Variants in CDHR3 observed in about 807,000 individuals in gnomAD.
CDHR3 encodes cadherin-related family member 3.
In CDHR3, 79 loss-of-function variants were observed where a neutral mutation model predicts 86.6. That is an observed-to-expected ratio of 0.91 (90% CI 0.76 to 1.10). CDHR3 has a LOEUF of 1.10. Among genes scored for constraint, CDHR3 ranks in the 50% least tolerant of loss-of-function variants. CDHR3 has a pLI of 0.00. For synonymous variants in CDHR3, 421 were observed against 402.4 expected, an observed-to-expected ratio of 1.05 and a Z score of -0.55; for missense variants, 1,081 against 1,077.6, an observed-to-expected ratio of 1.00 and a Z score of -0.04.
intron 2 of CDHR3, among the ~76,000 whole-genome samples, chr7:105,978,718 C>T (rs974075778): frequency 6.6e-6 from 1 of 152,194 alleles, no homozygotes; most frequent in African/African-American, 2.4e-5. Context: ...CTGGTAACAA[C>T]AACAACGAGA....
At chr7:105,996,377 C>T (rs1832219224) in intron 6 of CDHR3, 23 bp downstream of exon 6, 2 of 1,438,650 alleles carry the variant, frequency 1.4e-6, no homozygotes, top group Non-Finnish European at 1.9e-6. Flanking sequence ...GCATGCAGGA[C>T]TCCCTGGGCC....
intron 10 of CDHR3, 130 bp from the exon 11 acceptor site, chr7:106,015,797 C>A: frequency 1.4e-6 from 1 of 719,360 alleles, no homozygotes; most frequent in Non-Finnish European, 2.5e-6. Flanking sequence ...AAGGCAGGAG[C>A]TCCCATGTCT....
chr7:106,030,968 A>G lies in CDHR3; in HGVS notation c.2353+128A>G, dbSNP rs1177752793. 3 of 852,348 alleles carry G rather than the reference A, an allele frequency of 3.5e-6. No homozygotes were observed. In the East Asian group the frequency reaches 8.0e-5, roughly 23 times the overall value. The allele number at this position is 852,348 out of a possible 1,614,324, so 52.8% of individuals were successfully genotyped here. ...ATCCGTTTGGCTATGTTGCCTATAT[A>G]GTGCTGACTCTTCTAGGCTAAATAC... On this transcript the variant is annotated intron_variant, in intron 18 of 18. Transcript: ENST00000317716. The surrounding 1 kb of genome is among the most constrained non-coding windows in gnomAD (Gnocchi z 4.8).
In CDHR3 at chr7:106,033,255, CCTT is replaced by C. The variant is rs1838633863; in HGVS notation, c.*562_*564del. ...TGGAAAGAAGAAAACTCAGTAGGCACCTTCTTTTGTTTTTTCTTGTGGTGTCCG... is the reference window on the plus strand; with the variant it reads ...TGGAAAGAAGAAAACTCAGTAGGCACCTTTTGTTTTTTCTTGTGGTGTCCG... On this transcript the variant is annotated 3_prime_UTR_variant, in exon 19 of 19. Transcript: ENST00000317716. The C allele has an allele frequency of 6.5e-6, 1 of 153,350 alleles. No individual in the cohort carries two copies. The allele number at this position is 153,350 out of a possible 1,614,324, so 9.5% of individuals were successfully genotyped here.
intron 14 of CDHR3, among the ~76,000 whole-genome samples, chr7:106,024,102 G>GT (rs1404637109): frequency 5.3e-5 from 8 of 152,112 alleles, no homozygotes; most frequent in East Asian, 3.9e-4. Context: ...AGCCAATGGA[G>GT]TTTTTTTTAG....
chr7:106,004,539 G>A lies in CDHR3; in HGVS notation c.904G>A (p.Ala302Thr), dbSNP rs923289068. The A allele has an allele frequency of 1.2e-6, 2 of 1,614,046 alleles. No individual in the cohort carries two copies. The highest frequency in any genetic ancestry group is 1.7e-6 in the Non-Finnish European group (2 of 1,179,904). Reference protein sequence around the residue: ...IQVAQRIDRDAGELRQNPTIS... With the variant: ...IQVAQRIDRDTGELRQNPTIS... ...AGTGGCCCAAAGGATAGACCGAGAT[G>A]CAGGTGAATTGAGACAAAATCCCAC... Residue 302 changes from alanine (A) to threonine (T), a missense_variant, in exon 8 of 19, where the codon GCA becomes ACA. Ala to Thr is a moderately conservative substitution (Grantham distance 58). Transcript: ENST00000317716.
intron 15 of CDHR3, among the ~76,000 whole-genome samples, chr7:106,025,765 G>A (rs558099183): frequency 3.3e-5 from 5 of 152,312 alleles, no homozygotes; most frequent in South Asian, 2.1e-4. Flanking sequence ...TATTTATTGC[G>A]GAAGTTTGTT....
intron 6 of CDHR3, among the ~76,000 whole-genome samples, chr7:105,999,358 G>A (rs535622413): frequency 3.3e-5 from 5 of 152,284 alleles, no homozygotes; most frequent in African/African-American, 4.8e-5. Flanking sequence ...AGTTCCCTTC[G>A]TGGGGATCTG....
At position 106,032,687 on chromosome 7, in the gene CDHR3, C is replaced by T; in HGVS notation, c.2648C>T (p.Pro883Leu). 6.2e-7 allele frequency: 1 copy of T among 1,610,828 alleles called. No individual in the cohort carries two copies. The highest frequency in any genetic ancestry group is 8.5e-7 in the Non-Finnish European group (1 of 1,177,928). ...FMNRAYPKPH[P>L]GK The stretch of plus-strand genomic sequence containing the variant: ...AACAGGGCTTACCCCAAACCACACC[C>T]AGGAAAGTAAACGGGGTCTAAGGAG... Residue 883 changes from proline (P) to leucine (L), a missense_variant, in exon 19 of 19, where the codon CCA becomes CTA. Coordinates refer to ENST00000317716, the MANE Select transcript of CDHR3 (RefSeq NM_152750.5).
intron 15 of CDHR3, 68 bp from the exon 16 acceptor site, chr7:106,026,614 G>A: frequency 6.5e-7 from 1 of 1,539,074 alleles, no homozygotes; most frequent in Non-Finnish European, 9.0e-7. Context: ...AGAACCCCAT[G>A]GTGTCATGTG....
chr7:106,013,124 GGT>G (rs1180203100), intron 9 of CDHR3, 93 bp downstream of exon 9: 1 of 1,193,626 alleles, frequency 8.4e-7, no homozygotes, highest in African/African-American at 1.5e-5. Context: ...AAATTTCCAA[GGT>G]AACCCCCTCT....
rs557132037 is a variant in CDHR3, at chr7:106,030,023, G to C, written c.2305-769G>C. ...TCTCTTCAGAGTTGGGGAGTTGTGG[G>C]GAACTAGGTAGGGGATCCTTTAAGT... On this transcript the variant is annotated intron_variant, in intron 17 of 18. Transcript: ENST00000317716. This position sits in a 1 kb window ranked among gnomAD's most constrained non-coding sequence, Gnocchi z 4.8. Among the ~76,000 whole-genome samples the C allele has an allele frequency of 5.9e-5, 9 of 152,326 alleles. No homozygotes were observed. The South Asian group carries it at 1.9e-3, about 32-fold the overall frequency.
intron 1 of CDHR3, among the ~76,000 whole-genome samples, chr7:105,969,679 C>T (rs550122390): frequency 1.3e-5 from 2 of 152,296 alleles, no homozygotes; most frequent in South Asian, 2.1e-4. Flanking sequence ...TGCATTCTTC[C>T]GTCCCATAGA....
rs1554532689 is a variant in CDHR3 at position 106,028,926 on chromosome 7, T to TTC, written c.2304+346_2304+347dup. 4.8e-4 allele frequency among the ~76,000 whole-genome samples: 51 copies of TTC among 106,348 alleles called. 1 individual carries two copies. Among genetic ancestry groups the TTC allele is most frequent in the African/African-American group, 1.9e-3 (49 of 26,134 alleles). The allele number at this position is 106,348 out of a possible 152,430, so 69.8% of individuals were successfully genotyped here. A position where few individuals can be genotyped will look rare whatever the true frequency, so the allele number is the denominator to read the frequency against. On this transcript the variant is annotated intron_variant, in intron 17 of 18. Coordinates refer to ENST00000317716, the MANE Select transcript of CDHR3 (RefSeq NM_152750.5). ...CCAGTGAGATTTAAATTTTCTTTCT[T>TTC]TCTTTCTTTCTTTCTTTCTTTCTTT...
rs958366167 is a variant in CDHR3, at chr7:106,030,946, C to G, written c.2353+106C>G. ...CTGCTTTTAGCTCATTTTGTCAATC[C>G]GTTTGGCTATGTTGCCTATATAGTG... On this transcript the variant is annotated intron_variant, in intron 18 of 18. Transcript: ENST00000317716. The surrounding 1 kb of genome is among the most constrained non-coding windows in gnomAD (Gnocchi z 4.8). 1 of 1,143,886 alleles carries G rather than the reference C, an allele frequency of 8.7e-7. No individual in the cohort carries two copies. Among genetic ancestry groups the G allele is most frequent in the Non-Finnish European group, 1.3e-6 (1 of 782,590 alleles). The allele number at this position is 1,143,886 out of a possible 1,614,324, so 70.9% of individuals were successfully genotyped here. A position where few individuals can be genotyped will look rare whatever the true frequency, so the allele number is the denominator to read the frequency against.
chr7:106,022,137 C>G, intron 13 of CDHR3, 61 bp from the exon 14 acceptor site: 3 of 1,593,100 alleles, frequency 1.9e-6, no homozygotes, highest in Non-Finnish European at 2.6e-6. Flanking sequence ...TTCTTCTAAA[C>G]CTTTATTTCT....
intron 2 of CDHR3, among the ~76,000 whole-genome samples, chr7:105,978,347 A>C (rs1356214560): frequency 1.3e-4 from 20 of 152,148 alleles, no homozygotes; most frequent in Admixed American, 1.3e-3. Context: ...GGAGGCCAGC[A>C]CCTGCCCCTC....
Position 106,001,459 on chromosome 7 carries a change from C to A in CDHR3, c.714-3C>A. The A allele has an allele frequency of 1.2e-6, 2 of 1,613,550 alleles. No individual in the cohort carries two copies. The highest frequency in any genetic ancestry group is 1.7e-6 in the Non-Finnish European group (2 of 1,179,536). On this transcript the variant is annotated splice_region_variant and splice_polypyrimidine_tract_variant and intron_variant, in intron 6 of 18. Transcript: ENST00000317716. The stretch of plus-strand genomic sequence containing the variant: ...AGCTGTGTCTGCTGTATCTCTGTTC[C>A]AGCCCGACACGAGTGTACACAGTCC...
intron 5 of CDHR3, 57 bp downstream of exon 5, chr7:105,994,902 A>G: frequency 1.4e-6 from 2 of 1,401,668 alleles, no homozygotes; most frequent in Non-Finnish European, 2.0e-6. Context: ...CAAGGAAAAC[A>G]TGAGGGATAG....
Sources: allele counts gnomAD v4.1 joint callset (sites outside exome capture counted in the v4.1 genomes callset), GRCh38; gene constraint gnomAD v4.1.1; non-coding constraint Gnocchi (gnomAD v3.1); transcripts MANE v1.5; gene names NCBI Gene and HGNC (gene_info 2026-07-23, HGNC 2026-07-21).